Variants in TMEM132D observed in about 807,000 individuals in gnomAD.
TMEM132D encodes the protein transmembrane protein 132D.
In TMEM132D, 21 loss-of-function variants were observed where a neutral mutation model predicts 62.3. That is an observed-to-expected ratio of 0.34 (90% confidence interval 0.24 to 0.49). The LOEUF (loss-of-function observed/expected upper bound fraction) is 0.49. TMEM132D is among the 20% of genes least tolerant of loss of function. The pLI, the probability that TMEM132D is intolerant of heterozygous loss-of-function variation, is 0.99. For synonymous variants in TMEM132D, 621 were observed against 575.6 expected, an observed-to-expected ratio of 1.08 and a Z score of -1.13; for missense variants, 1,346 against 1,402.8, an observed-to-expected ratio of 0.96 and a Z score of 0.65.
In TMEM132D at chr12:129,769,888, A is replaced by AT. The variant is rs1024455735; in HGVS notation, c.80-69191dup. ...TAGGATTGTACATACTCAGACTGGG[A>AT]TTTTTTTTCCCCTGGGACAAGGTCT... On this transcript the variant is annotated intron_variant, in intron 1 of 8. Transcript: ENST00000422113. 1.2e-4 allele frequency among the ~76,000 whole-genome samples: 18 copies of AT among 152,048 alleles called. 1 individual carries two copies. Among genetic ancestry groups the AT allele is most frequent in the Non-Finnish European group, 1.3e-4 (9 of 67,974 alleles).
chr12:129,758,936 C>CT (rs570116732), intron 1 of TMEM132D, among the ~76,000 whole-genome samples: 4,375 of 138,276 alleles, frequency 0.032, 185 homozygotes, highest in African/African-American at 0.094. Context: ...TTCTTTCTTT[C>CT]TTTTTTTTTT....
chr12:129,623,068 T>G (rs776333607), intron 2 of TMEM132D, among the ~76,000 whole-genome samples: 3 of 151,972 alleles, frequency 2.0e-5, no homozygotes, highest in Non-Finnish European at 4.4e-5. Context: ...GAGAGAGAGA[T>G]GGAGAGAAAG....
chr12:129,741,998 C>G (rs142437005), intron 1 of TMEM132D, among the ~76,000 whole-genome samples: 4 of 152,278 alleles, frequency 2.6e-5, no homozygotes, highest in Non-Finnish European at 5.9e-5. Context: ...ACAACATCTA[C>G]ATCTTTAGCA....
intron 1 of TMEM132D, among the ~76,000 whole-genome samples, chr12:129,730,170 T>A (rs771010481): frequency 6.6e-6 from 1 of 152,144 alleles, no homozygotes; most frequent in Non-Finnish European, 1.5e-5. Flanking sequence ...TATTTTTCCC[T>A]CCTAGTCTCT....
intron 4 of TMEM132D, among the ~76,000 whole-genome samples, chr12:129,302,770 G>T (rs1326901710): frequency 6.6e-6 from 1 of 152,174 alleles, no homozygotes. Flanking sequence ...CAGCCCCTTG[G>T]CCAAAGCAAT....
At chr12:129,392,646 C>T (rs1451136377) in intron 3 of TMEM132D, among the ~76,000 whole-genome samples, 1 of 152,172 alleles carries the variant, frequency 6.6e-6, no homozygotes, top group Non-Finnish European at 1.5e-5. Flanking sequence ...ACTCATGGTG[C>T]CCTACCATAT....
intron 1 of TMEM132D, among the ~76,000 whole-genome samples, chr12:129,740,003 G>A (rs2137258675): frequency 6.6e-6 from 1 of 152,228 alleles, no homozygotes; most frequent in Non-Finnish European, 1.5e-5. Flanking sequence ...CCGAAACCAT[G>A]TTCTTCAGTG....
At chr12:129,266,585 C>T (rs1413750035) in intron 4 of TMEM132D, among the ~76,000 whole-genome samples, 1 of 148,284 alleles carries the variant, frequency 6.7e-6, no homozygotes, top group East Asian at 2.0e-4. Flanking sequence ...TCTCTTCTTC[C>T]CCTTTTTCCC....
At chr12:129,487,025 T>C (rs1479692897) in intron 3 of TMEM132D, among the ~76,000 whole-genome samples, 1 of 111,374 alleles carries the variant, frequency 9.0e-6, no homozygotes, top group African/African-American at 2.9e-5. Flanking sequence ...TGCGAATGTT[T>C]GCGTATGGGG....
chr12:129,810,461 ATT>A (rs1872136381), intron 1 of TMEM132D, among the ~76,000 whole-genome samples: 1 of 152,120 alleles, frequency 6.6e-6, no homozygotes, highest in Admixed American at 6.6e-5. Context: ...TGTGTGTAAC[ATT>A]TACCAAAAAA....
At chr12:129,462,355 T>C (rs1011184084) in intron 3 of TMEM132D, among the ~76,000 whole-genome samples, 3 of 152,102 alleles carry the variant, frequency 2.0e-5, no homozygotes, top group South Asian at 2.1e-4. Context: ...AAAGAGACGC[T>C]CAAAGGTATC....
chr12:129,524,681 G>T (rs1304993825), intron 3 of TMEM132D, among the ~76,000 whole-genome samples: 1 of 151,820 alleles, frequency 6.6e-6, no homozygotes, highest in African/African-American at 2.4e-5. Context: ...CAGGACGCAG[G>T]TTTTAAATCT....
At chr12:129,379,653 T>C (rs1181306655) in intron 3 of TMEM132D, among the ~76,000 whole-genome samples, 2 of 152,148 alleles carry the variant, frequency 1.3e-5, no homozygotes, top group Non-Finnish European at 2.9e-5. Flanking sequence ...CCTTTGACAA[T>C]GTAATCATCA....
intron 3 of TMEM132D, among the ~76,000 whole-genome samples, chr12:129,432,138 G>T (rs562960605): frequency 4.8e-5 from 7 of 146,224 alleles, no homozygotes; most frequent in African/African-American, 1.8e-4. Flanking sequence ...TGGATGGATG[G>T]ATGGATGGAT....
At chr12:129,282,702 A>C (rs1216892172) in intron 4 of TMEM132D, among the ~76,000 whole-genome samples, 1 of 151,776 alleles carries the variant, frequency 6.6e-6, no homozygotes, top group African/African-American at 2.4e-5. Context: ...AAATTAGAAA[A>C]CTCCACAGAA....
intron 1 of TMEM132D, among the ~76,000 whole-genome samples, chr12:129,834,494 C>T (rs973042213): frequency 6.6e-6 from 1 of 151,388 alleles, no homozygotes; most frequent in African/African-American, 2.4e-5. Flanking sequence ...CTTCCTAAAC[C>T]CCCTCTCTCA....
intron 1 of TMEM132D, among the ~76,000 whole-genome samples, chr12:129,880,761 G>T (rs1271151698): frequency 2.0e-5 from 3 of 152,012 alleles, no homozygotes; most frequent in African/African-American, 7.2e-5. Context: ...ATAAAATAGA[G>T]TTATTAACCA....
At chr12:129,318,501 A>C (rs569278928) in intron 4 of TMEM132D, among the ~76,000 whole-genome samples, 1 of 152,200 alleles carries the variant, frequency 6.6e-6, no homozygotes, top group East Asian at 1.9e-4. Context: ...TGATCCATCT[A>C]TGGGTCTCTC....
chr12:129,318,001 T>C (rs1020767946), intron 4 of TMEM132D, among the ~76,000 whole-genome samples: 5 of 152,178 alleles, frequency 3.3e-5, no homozygotes, highest in African/African-American at 1.2e-4. Context: ...TTTTTTGTTT[T>C]TTTCTTCAGT....
Sources: gnomAD v4.1 joint callset for allele counts (sites outside exome capture counted in the v4.1 genomes callset) on GRCh38, gnomAD v4.1.1 for gene constraint, MANE v1.5 for transcripts, NCBI Gene and HGNC (gene_info 2026-07-23, HGNC 2026-07-21) for gene names.